NLGN1: variants seen among roughly 807,000 people sequenced by gnomAD.
The protein encoded by NLGN1 is neuroligin 1.
A neutral mutation model predicts 65.5 loss-of-function variants in NLGN1; 12 were observed. That is an observed-to-expected ratio of 0.18 (90% confidence interval 0.12 to 0.30). NLGN1 has a LOEUF of 0.30. Ranked by LOEUF, NLGN1 falls within the 10% of genes least tolerant of loss-of-function variation. The pLI, the probability that NLGN1 is intolerant of heterozygous loss-of-function variation, is 1.00. For missense variants in NLGN1, 750 were observed against 1,007.1 expected, an observed-to-expected ratio of 0.74 and a Z score of 3.46; for synonymous variants, 350 against 359.5, an observed-to-expected ratio of 0.97 and a Z score of 0.30.
chr3:173,798,614 CAATT>C (rs1446221235), intron 3 of NLGN1, among the ~76,000 whole-genome samples: 1 of 152,014 alleles, frequency 6.6e-6, no homozygotes, highest in African/African-American at 2.4e-5. Flanking sequence ...AACTGAGTGT[CAATT>C]AATATAAATT....
At chr3:173,404,155 T>C (rs1718195537) in intron 1 of NLGN1, among the ~76,000 whole-genome samples, 1 of 152,212 alleles carries the variant, frequency 6.6e-6, no homozygotes, top group African/African-American at 2.4e-5. Flanking sequence ...ATAAATTGTG[T>C]CTCAACTTTT....
At chr3:173,647,169 T>C (rs61664662) in intron 3 of NLGN1, among the ~76,000 whole-genome samples, 5,438 of 152,226 alleles carry the variant, frequency 0.036, 318 homozygotes, top group African/African-American at 0.12. Flanking sequence ...ATGCTTCTAA[T>C]AATAGAGCTT....
chr3:174,101,244 A>C (rs1561043695), intron 4 of NLGN1, among the ~76,000 whole-genome samples: 1 of 152,160 alleles, frequency 6.6e-6, no homozygotes, highest in Non-Finnish European at 1.5e-5. Flanking sequence ...TTAAAATGTT[A>C]AAGAGTTACT....
chr3:173,863,865 C>T (rs1305784851), intron 4 of NLGN1, among the ~76,000 whole-genome samples: 1 of 152,090 alleles, frequency 6.6e-6, no homozygotes, highest in East Asian at 1.9e-4. Flanking sequence ...CTTGATTGGC[C>T]ATCATTGAGC....
chr3:173,578,237 A>G (rs981456236), intron 2 of NLGN1, among the ~76,000 whole-genome samples: 2 of 149,348 alleles, frequency 1.3e-5, no homozygotes, highest in African/African-American at 2.4e-5. Flanking sequence ...CTCCGTCTCA[A>G]AAAAAAAAAA....
intron 2 of NLGN1, among the ~76,000 whole-genome samples, chr3:173,522,628 TTTCACCATGTTA>T (rs1485149792): frequency 6.6e-5 from 10 of 151,994 alleles, no homozygotes; most frequent in Non-Finnish European, 1.3e-4. Context: ...AGAGACGGGG[TTTCACCATGTTA>T]GCCAGGATGG....
intron 4 of NLGN1, among the ~76,000 whole-genome samples, chr3:174,238,020 T>C (rs894444730): frequency 1.3e-5 from 2 of 152,234 alleles, no homozygotes; most frequent in East Asian, 3.9e-4. Context: ...CAGTAGGATG[T>C]GCTAAATATC....
intron 3 of NLGN1, among the ~76,000 whole-genome samples, chr3:173,795,955 CT>C (rs1310656887): frequency 6.6e-6 from 1 of 152,112 alleles, no homozygotes; most frequent in Non-Finnish European, 1.5e-5. Flanking sequence ...ATAGCCAGGG[CT>C]TTCCATCTAT....
At chr3:174,289,632 C>G (rs78665314), downstream of NLGN1, among the ~76,000 whole-genome samples, 4,479 of 151,092 alleles carry the variant, frequency 0.03, 179 homozygotes, top group African/African-American at 0.087. Flanking sequence ...ACACCAATCA[C>G]CTGTCATAAT....
chr3:173,399,867 A>G (rs1036275556), intron 1 of NLGN1: 37 of 152,196 alleles, frequency 2.4e-4, no homozygotes, highest in African/African-American at 8.4e-4. Flanking sequence ...GCTATTGACA[A>G]CTTTTTGTGA....
At chr3:173,949,572 C>T (rs1419712506) in intron 4 of NLGN1, among the ~76,000 whole-genome samples, 1 of 152,100 alleles carries the variant, frequency 6.6e-6, no homozygotes, top group Non-Finnish European at 1.5e-5. Context: ...TACTTTCAGA[C>T]TGAATGTGAT....
At chr3:173,931,201 G>A (rs13097179) in intron 4 of NLGN1, among the ~76,000 whole-genome samples, 45,231 of 151,914 alleles carry the variant, frequency 0.3, 7,225 homozygotes, top group African/African-American at 0.38. Context: ...GGCTCTGGAG[G>A]AACCAATAAA....
At chr3:173,915,130 C>T (rs1035653362) in intron 4 of NLGN1, 6 of 152,186 alleles carry the variant, frequency 3.9e-5, no homozygotes, top group Non-Finnish European at 7.3e-5. Flanking sequence ...TATCTTGGGG[C>T]CAGCTACGCT....
At chr3:174,056,067 T>C (rs1368019586) in intron 4 of NLGN1, among the ~76,000 whole-genome samples, 1 of 151,994 alleles carries the variant, frequency 6.6e-6, no homozygotes, top group Non-Finnish European at 1.5e-5. Flanking sequence ...TTCTCATAGC[T>C]CCATGAGCCA....
chr3:174,077,889 G>A (rs1741339984), intron 4 of NLGN1, among the ~76,000 whole-genome samples: 1 of 151,980 alleles, frequency 6.6e-6, no homozygotes, highest in South Asian at 2.1e-4. Flanking sequence ...AGCCAAGGAA[G>A]GCACATTTGA....
At chr3:174,197,007 T>C (rs1223653930) in intron 4 of NLGN1, among the ~76,000 whole-genome samples, 7 of 152,186 alleles carry the variant, frequency 4.6e-5, no homozygotes, top group Non-Finnish European at 2.9e-5. Context: ...TTTAATTTTG[T>C]CAATTTATAA....
At chr3:173,666,595 A>C (rs60296195) in intron 3 of NLGN1, among the ~76,000 whole-genome samples, 4 of 152,216 alleles carry the variant, frequency 2.6e-5, no homozygotes, top group Admixed American at 1.3e-4. Flanking sequence ...TAATGGATCA[A>C]CCATTCCCTA....
chr3:173,769,495 C>T (rs1408329586), intron 3 of NLGN1, among the ~76,000 whole-genome samples: 1 of 152,204 alleles, frequency 6.6e-6, no homozygotes, highest in East Asian at 1.9e-4. Flanking sequence ...TCGAACTTTT[C>T]AGCATGTGGT....
At chr3:173,513,792 G>A (rs190728972) in intron 2 of NLGN1, among the ~76,000 whole-genome samples, 5 of 152,198 alleles carry the variant, frequency 3.3e-5, no homozygotes, top group African/African-American at 9.6e-5. Flanking sequence ...TTGGGAGGCC[G>A]AGGCGGGCGG....
Sources: allele counts gnomAD v4.1 joint callset (sites outside exome capture counted in the v4.1 genomes callset), GRCh38; gene constraint gnomAD v4.1.1; transcripts MANE v1.5; gene names NCBI Gene and HGNC (gene_info 2026-07-23, HGNC 2026-07-21).